MSN: variants seen among roughly 807,000 people sequenced by gnomAD.
MSN encodes the protein moesin.
A neutral mutation model predicts 48.0 loss-of-function variants in MSN; 2 were observed. The observed-to-expected ratio is 0.04, with a 90% CI of 0.02 to 0.13. MSN has a LOEUF of 0.13. Ranked by LOEUF, MSN falls within the 10% of genes least tolerant of loss-of-function variation. The pLI is 1.00. For missense variants in MSN, 267 were observed against 470.1 expected (o/e 0.57, Z 3.99); for synonymous variants, 146 against 166.9 (o/e 0.87, Z 0.97).
intron 1 of MSN, among the ~76,000 whole-genome samples, chrX:65,596,057 G>C (rs1228696765): frequency 1.8e-5 from 2 of 111,564 alleles, no homozygotes; most frequent in African/African-American, 6.5e-5. Context: ...ATAATGTTAG[G>C]CATCTAGTTC....
chrX:65,716,536 A>T, intron 1 of MSN: 1 of 374,533 alleles, frequency 2.7e-6, no homozygotes, highest in Non-Finnish European at 5.0e-6. Context: ...TCGGCCTCCC[A>T]AAGTGCTGGG....
intron 1 of MSN, among the ~76,000 whole-genome samples, chrX:65,653,339 G>T (rs1266102382): frequency 9.0e-6 from 1 of 111,308 alleles, no homozygotes; most frequent in Non-Finnish European, 1.9e-5. Context: ...ACATCTTCAT[G>T]TAAATACATG....
intron 1 of MSN, among the ~76,000 whole-genome samples, chrX:65,613,237 T>G (rs1602717881): frequency 8.8e-6 from 1 of 114,136 alleles, no homozygotes; most frequent in African/African-American, 3.2e-5. Flanking sequence ...AGTATTCCAT[T>G]GTGTATATGT....
intron 1 of MSN, among the ~76,000 whole-genome samples, chrX:65,647,031 T>C (rs774484982): frequency 9.9e-5 from 11 of 111,469 alleles, no homozygotes; most frequent in Non-Finnish European, 2.1e-4. Context: ...TCATTCACTC[T>C]TATTATAGAC....
rs558948310 is a variant in MSN, at chrX:65,726,122, A to G, written c.97-1692A>G. ...ACTTGGGGGACATGGCTTCTCCCCAAAGTGGTTGTCGCTTGGGTCTAGTGG... is the reference window on the plus strand; with the variant it reads ...ACTTGGGGGACATGGCTTCTCCCCAGAGTGGTTGTCGCTTGGGTCTAGTGG... On this transcript the variant is annotated intron_variant, in intron 2 of 12. Coordinates refer to ENST00000360270, the MANE Select transcript of MSN (RefSeq NM_002444.3). 2.8e-4 allele frequency among the ~76,000 whole-genome samples: 31 copies of G among 111,296 alleles called. 1 individual carries two copies. In the South Asian group the frequency reaches 0.012, roughly 42 times the overall value.
At chrX:65,642,659 G>A (rs1177270151) in intron 1 of MSN, among the ~76,000 whole-genome samples, 1 of 111,712 alleles carries the variant, frequency 9.0e-6, no homozygotes, top group African/African-American at 3.3e-5. Context: ...TATAAATGCA[G>A]CTCTTTGAAT....
chrX:65,650,751 CAATT>C (rs751972713), intron 1 of MSN, among the ~76,000 whole-genome samples: 206 of 112,351 alleles, frequency 1.8e-3, no homozygotes, highest in African/African-American at 6.3e-3. Context: ...TTTAAAACAA[CAATT>C]AATTTTCTTA....
chrX:65,697,964 C>T (rs1244942829), intron 1 of MSN, among the ~76,000 whole-genome samples: 2 of 111,806 alleles, frequency 1.8e-5, no homozygotes, highest in Admixed American at 9.5e-5. Context: ...TCTGGTCAGA[C>T]AGAAAACTGC....
chrX:65,606,674 G>A (rs1404137110), intron 1 of MSN, among the ~76,000 whole-genome samples: 1 of 112,132 alleles, frequency 8.9e-6, no homozygotes, highest in Non-Finnish European at 1.9e-5. Context: ...TCCTGCCTTG[G>A]CTTCTCAAAG....
At chrX:65,699,621 C>T (rs1033435164) in intron 1 of MSN, among the ~76,000 whole-genome samples, 4 of 108,981 alleles carry the variant, frequency 3.7e-5, no homozygotes, top group East Asian at 5.8e-4. Context: ...TGGTGGTGGG[C>T]GCCTGTAGTC....
chrX:65,637,174 A>C (rs1446126999), intron 1 of MSN, among the ~76,000 whole-genome samples: 1 of 110,514 alleles, frequency 9.0e-6, no homozygotes, highest in Non-Finnish European at 1.9e-5. Context: ...AAGCCAAGGC[A>C]GGCGGATCAC....
intron 1 of MSN, among the ~76,000 whole-genome samples, chrX:65,657,847 GGACTTTGGTCT>G (rs2070792983): frequency 8.9e-6 from 1 of 111,742 alleles, no homozygotes; most frequent in Non-Finnish European, 1.9e-5. Flanking sequence ...GGATGAAGGT[GGACTTTGGTCT>G]GACACTACCT....
At chrX:65,648,898 T>A (rs951764873) in intron 1 of MSN, among the ~76,000 whole-genome samples, 4 of 107,071 alleles carry the variant, frequency 3.7e-5, no homozygotes, top group East Asian at 2.9e-4. Context: ...ATAAATAAAA[T>A]AAATAAAATA....
intron 1 of MSN, among the ~76,000 whole-genome samples, chrX:65,705,294 T>A (rs755666647): frequency 7.2e-5 from 8 of 111,798 alleles, no homozygotes; most frequent in Non-Finnish European, 9.4e-5. Flanking sequence ...CATATGAGAT[T>A]CTAGGATGCA....
chrX:65,686,558 T>A (rs772504841), intron 1 of MSN, among the ~76,000 whole-genome samples: 1 of 112,996 alleles, frequency 8.8e-6, no homozygotes, highest in East Asian at 2.8e-4. Context: ...ACATTTTAAA[T>A]AATTTTTTGG....
At chrX:65,695,507 C>CAAAAAA (rs759652563) in intron 1 of MSN, among the ~76,000 whole-genome samples, 7 of 12,942 alleles carry the variant, frequency 5.4e-4, no homozygotes, top group African/African-American at 8.2e-4. Flanking sequence ...AACTCTGTCT[C>CAAAAAA]AAAAAAAAAA....
chrX:65,695,533 A>C (rs1380061938), intron 1 of MSN, among the ~76,000 whole-genome samples: 2 of 107,369 alleles, frequency 1.9e-5, no homozygotes, highest in African/African-American at 6.8e-5. Context: ...AAAAAAAAAA[A>C]ACAAAGAAAG....
At chrX:65,721,390 A>G (rs1207512712) in intron 2 of MSN, among the ~76,000 whole-genome samples, 2 of 112,069 alleles carry the variant, frequency 1.8e-5, no homozygotes, top group African/African-American at 6.5e-5. Flanking sequence ...CAAATAAGTA[A>G]AATGCCTGGT....
At chrX:65,671,493 C>T (rs1043207780) in intron 1 of MSN, among the ~76,000 whole-genome samples, 1 of 111,693 alleles carries the variant, frequency 9.0e-6, no homozygotes, top group Non-Finnish European at 1.9e-5. Context: ...TTGAGCCACT[C>T]GAGTGGCACT....
Sources: gnomAD v4.1 joint callset for allele counts (sites outside exome capture counted in the v4.1 genomes callset) on GRCh38, gnomAD v4.1.1 for gene constraint, MANE v1.5 for transcripts, NCBI Gene and HGNC (gene_info 2026-07-23, HGNC 2026-07-21) for gene names.